Variants in AGMO observed in about 807,000 individuals in gnomAD.
AGMO encodes glyceryl-ether monooxygenase.
AGMO carries 75 observed loss-of-function variants against 60.2 expected under a neutral mutation model. The observed-to-expected ratio is 1.25, with a 90% CI of 1.03 to 1.51. AGMO has a LOEUF of 1.51. AGMO is among the 40% of genes most tolerant of loss of function. AGMO has a pLI of 0.00. For missense variants in AGMO, 763 were observed against 525.5 expected, an observed-to-expected ratio of 1.45 and a Z score of -4.42; for synonymous variants, 261 against 177.1, an observed-to-expected ratio of 1.47 and a Z score of -3.76.
intron 12 of AGMO, among the ~76,000 whole-genome samples, chr7:15,233,227 TAAG>T (rs1321341735): frequency 6.6e-6 from 1 of 152,168 alleles, no homozygotes; most frequent in Non-Finnish European, 1.5e-5. Flanking sequence ...GGACTACTGT[TAAG>T]AAGATTTATG....
At chr7:15,150,352 T>C in the AGMO span, among the ~76,000 whole-genome samples, 1 of 152,016 alleles carries the variant, frequency 6.6e-6, no homozygotes, top group Non-Finnish European at 1.5e-5. Flanking sequence ...TAGGAATGAA[T>C]GCTGAGAAGG....
At chr7:15,258,530 C>T (rs1302555593) in intron 12 of AGMO, among the ~76,000 whole-genome samples, 1 of 150,846 alleles carries the variant, frequency 6.6e-6, no homozygotes, top group African/African-American at 2.4e-5. Context: ...AGCCTGGCAA[C>T]AGAGCAAGAC....
At chr7:15,149,507 G>A in the AGMO span, among the ~76,000 whole-genome samples, 6 of 152,074 alleles carry the variant, frequency 3.9e-5, no homozygotes, top group Admixed American at 3.3e-4. Flanking sequence ...GTGAAAGGAA[G>A]GGATCCAGTT....
chr7:15,390,610 CTT>C (rs1784098199), intron 8 of AGMO, 59 bp downstream of exon 8: 1 of 1,321,206 alleles, frequency 7.6e-7, no homozygotes, highest in Middle Eastern at 2.0e-4. Context: ...TGATTTTTCT[CTT>C]AACTATAAGA....
At chr7:15,418,694 A>T in intron 4 of AGMO, 41 bp from the exon 5 acceptor site, 13 of 1,222,318 alleles carry the variant, frequency 1.1e-5, no homozygotes, top group Non-Finnish European at 1.5e-5. Flanking sequence ...TGCATATATG[A>T]ATTCTCAATG....
chr7:15,368,806 G>GA (rs1486919500), intron 10 of AGMO, among the ~76,000 whole-genome samples: 1 of 152,080 alleles, frequency 6.6e-6, no homozygotes, highest in South Asian at 2.1e-4. Flanking sequence ...CTTTGGTTAG[G>GA]AAATCTATGA....
chr7:15,507,047 A>T (rs1050629870), intron 3 of AGMO, among the ~76,000 whole-genome samples: 16 of 152,066 alleles, frequency 1.1e-4, no homozygotes, highest in Admixed American at 9.9e-4. Context: ...TTTATTTTTT[A>T]AAAAAGAAAC....
chr7:15,233,552 T>G (rs552624332), intron 12 of AGMO, among the ~76,000 whole-genome samples: 5 of 140,082 alleles, frequency 3.6e-5, no homozygotes, highest in East Asian at 2.0e-4. Flanking sequence ...AGAGAGTTGT[T>G]TTTTTTTTTC....
chr7:15,534,855 C>CA (rs1328735425), intron 3 of AGMO, among the ~76,000 whole-genome samples: 86 of 151,648 alleles, frequency 5.7e-4, no homozygotes, highest in African/African-American at 2.0e-3. Context: ...TTATAACTAC[C>CA]AATGTATTTT....
intron 12 of AGMO, among the ~76,000 whole-genome samples, chr7:15,355,346 C>A (rs902062954): frequency 6.6e-6 from 1 of 151,118 alleles, no homozygotes; most frequent in Admixed American, 6.6e-5. Flanking sequence ...ACTAAAAATA[C>A]AAAAAAATTA....
At chr7:15,161,713 A>G in the AGMO span, among the ~76,000 whole-genome samples, 1 of 151,698 alleles carries the variant, frequency 6.6e-6, no homozygotes, top group Non-Finnish European at 1.5e-5. Context: ...GTATACATAC[A>G]CACACATATG....
At chr7:15,343,758 G>C (rs1311516750) in intron 12 of AGMO, among the ~76,000 whole-genome samples, 1 of 152,094 alleles carries the variant, frequency 6.6e-6, no homozygotes, top group Non-Finnish European at 1.5e-5. Flanking sequence ...TGTATTTGGT[G>C]TTAGTGTCTA....
chr7:15,309,505 C>G (rs1265827969), intron 12 of AGMO, among the ~76,000 whole-genome samples: 1 of 152,022 alleles, frequency 6.6e-6, no homozygotes, highest in Non-Finnish European at 1.5e-5. Flanking sequence ...TTCCCCTAAG[C>G]GTCAACATAA....
chr7:15,198,859 A>G (rs1781201556), downstream of AGMO, among the ~76,000 whole-genome samples: 1 of 152,192 alleles, frequency 6.6e-6, no homozygotes, highest in Non-Finnish European at 1.5e-5. Flanking sequence ...AGGTTTCACA[A>G]TAATGATGTT....
chr7:15,344,748 C>G (rs73064549), intron 12 of AGMO, among the ~76,000 whole-genome samples: 4 of 151,948 alleles, frequency 2.6e-5, no homozygotes, highest in African/African-American at 9.7e-5. Flanking sequence ...TCTTTGCTCT[C>G]AAGAGAAGAC....
chr7:15,198,726 A>T (rs1384315306), downstream of AGMO, among the ~76,000 whole-genome samples: 2 of 152,112 alleles, frequency 1.3e-5, no homozygotes, highest in East Asian at 3.9e-4. Context: ...CCTTGAAGCT[A>T]TTCTTGGCTG....
intron 8 of AGMO, among the ~76,000 whole-genome samples, chr7:15,389,565 A>C (rs927112728): frequency 2.6e-5 from 4 of 152,154 alleles, no homozygotes; most frequent in Non-Finnish European, 5.9e-5. Flanking sequence ...CGAGGAGATA[A>C]AAATGCCTTT....
chr7:15,286,649 A>G (rs573497744), intron 12 of AGMO, among the ~76,000 whole-genome samples: 1 of 152,154 alleles, frequency 6.6e-6, no homozygotes, highest in Non-Finnish European at 1.5e-5. Context: ...TAAAACATCT[A>G]AGGAAAACAG....
chr7:15,350,939 T>G (rs1322259360), intron 12 of AGMO, among the ~76,000 whole-genome samples: 1 of 152,186 alleles, frequency 6.6e-6, no homozygotes, highest in Non-Finnish European at 1.5e-5. Flanking sequence ...CTTGCTCTTC[T>G]TGTTGTTGGT....
Sources: gnomAD v4.1 joint callset for allele counts (sites outside exome capture counted in the v4.1 genomes callset) on GRCh38, gnomAD v4.1.1 for gene constraint, MANE v1.5 for transcripts, NCBI Gene and HGNC (gene_info 2026-07-23, HGNC 2026-07-21) for gene names.